Variants in RHBDL2 observed in about 807,000 individuals in gnomAD.
RHBDL2 encodes the protein rhomboid like 2, also known as rhomboid-related protein 2.
Under a neutral mutation model 31.7 loss-of-function variants are expected in RHBDL2, and 26 were observed. The ratio of observed to expected loss-of-function variants is 0.82; its 90% CI spans 0.60 to 1.14. The LOEUF (loss-of-function observed/expected upper bound fraction) is 1.14, where lower values mean the gene tolerates loss of function less well. RHBDL2 is among the 50% of genes most tolerant of loss of function. The pLI, the probability that RHBDL2 is intolerant of heterozygous loss-of-function variation, is 0.00. For synonymous variants in RHBDL2, 123 were observed against 127.2 expected, an observed-to-expected ratio of 0.97 and a Z score of 0.22; for missense variants, 336 against 364.4, an observed-to-expected ratio of 0.92 and a Z score of 0.63.
At chr1:38,902,229 A>G (rs1157379904) in intron 4 of RHBDL2, among the ~76,000 whole-genome samples, 4 of 86,302 alleles carry the variant, frequency 4.6e-5, no homozygotes, top group African/African-American at 1.5e-4. Flanking sequence ...TTTTTGAGAC[A>G]GAGTCTCACT....
At chr1:38,931,177 T>A (rs1643434960) in intron 1 of RHBDL2, among the ~76,000 whole-genome samples, 1 of 152,194 alleles carries the variant, frequency 6.6e-6, no homozygotes, top group Non-Finnish European at 1.5e-5. Context: ...GACTGAAAAC[T>A]TCTGCCCTAG....
intron 4 of RHBDL2, among the ~76,000 whole-genome samples, chr1:38,909,145 C>T (rs1643108513): frequency 6.6e-6 from 1 of 152,128 alleles, no homozygotes; most frequent in Non-Finnish European, 1.5e-5. Context: ...AGGCTAGGGT[C>T]TCGGGGTTTT....
intron 1 of RHBDL2, among the ~76,000 whole-genome samples, chr1:38,920,166 C>CTTTTTTTTTTTTTTTTTT: frequency 9.0e-6 from 1 of 111,402 alleles, no homozygotes; most frequent in Non-Finnish European, 1.7e-5. Flanking sequence ...CACATGTTTT[C>CTTTTTTTTTTTTTTTTTT]TTTTTTTTTT....
intron 1 of RHBDL2, among the ~76,000 whole-genome samples, chr1:38,936,166 G>A (rs762147533): frequency 1.4e-4 from 21 of 152,160 alleles, no homozygotes; most frequent in Non-Finnish European, 1.5e-4. Flanking sequence ...ACCTTCCTAA[G>A]TGCTGGGATT....
intron 4 of RHBDL2, among the ~76,000 whole-genome samples, chr1:38,906,447 G>T (rs1232060627): frequency 6.6e-6 from 1 of 152,048 alleles, no homozygotes; most frequent in African/African-American, 2.4e-5. Context: ...GGCCAAGGCG[G>T]GCAGATCATG....
chr1:38,892,937 G>C (rs1203195404), intron 6 of RHBDL2, among the ~76,000 whole-genome samples: 1 of 152,114 alleles, frequency 6.6e-6, no homozygotes, highest in Non-Finnish European at 1.5e-5. Context: ...AGCTCCCAAA[G>C]GCTGCTCTAG....
chr1:38,940,710 T>C (rs1643551788), intron 1 of RHBDL2, among the ~76,000 whole-genome samples: 1 of 152,194 alleles, frequency 6.6e-6, no homozygotes, highest in Non-Finnish European at 1.5e-5. Context: ...GGCACCCAGC[T>C]TGGTATTCAA....
chr1:38,904,276 C>T (rs995836464), intron 4 of RHBDL2, among the ~76,000 whole-genome samples: 5 of 151,956 alleles, frequency 3.3e-5, no homozygotes, highest in African/African-American at 1.2e-4. Context: ...TGAGACCAGT[C>T]TGGCCAACGT....
intron 3 of RHBDL2, 193 bp downstream of exon 3, chr1:38,915,369 C>T: frequency 1.9e-6 from 1 of 535,874 alleles, no homozygotes; most frequent in Non-Finnish European, 3.3e-6. Context: ...AAGTGATCTG[C>T]CCACCTCAGC....
chr1:38,924,600 AAAACAAGG>A (rs1643352824), intron 1 of RHBDL2, among the ~76,000 whole-genome samples: 1 of 151,958 alleles, frequency 6.6e-6, no homozygotes, highest in Non-Finnish European at 1.5e-5. Flanking sequence ...TCTCAAAAAA[AAAACAAGG>A]AAACACGGAA....
chr1:38,912,898 ATATATATATATATG>A (rs1207913064), intron 3 of RHBDL2, among the ~76,000 whole-genome samples: 906 of 84,162 alleles, frequency 0.011, 2 homozygotes, highest in Middle Eastern at 0.043. Flanking sequence ...ATATATATAT[ATATATATATATATG>A]TGTGTGTGTG....
chr1:38,927,816 A>C (rs1643394494), intron 1 of RHBDL2, among the ~76,000 whole-genome samples: 1 of 152,196 alleles, frequency 6.6e-6, no homozygotes, highest in South Asian at 2.1e-4. Flanking sequence ...GTCTTCATTA[A>C]TTTTTACCAC....
chr1:38,912,910 A>ATATATATGTGTGTGTGTG (rs1399583863), intron 3 of RHBDL2, among the ~76,000 whole-genome samples: 39 of 41,358 alleles, frequency 9.4e-4, no homozygotes, highest in African/African-American at 3.3e-3. Flanking sequence ...ATATATATAT[A>ATATATATGTGTGTGTGTG]TGTGTGTGTG....
intron 4 of RHBDL2, among the ~76,000 whole-genome samples, chr1:38,909,972 T>C (rs1026957732): frequency 1.1e-4 from 16 of 152,266 alleles, no homozygotes; most frequent in Middle Eastern, 3.4e-3. Context: ...AGTGAATGGT[T>C]AAACAAGCAG....
intron 1 of RHBDL2, among the ~76,000 whole-genome samples, chr1:38,923,702 A>C (rs766313569): frequency 3.9e-5 from 6 of 152,236 alleles, no homozygotes; most frequent in African/African-American, 7.2e-5. Flanking sequence ...TTCAAGCATC[A>C]ACATCTGTCC....
At chr1:38,914,465 C>G (rs1017951869) in intron 3 of RHBDL2, among the ~76,000 whole-genome samples, 3 of 151,792 alleles carry the variant, frequency 2.0e-5, no homozygotes, top group African/African-American at 7.3e-5. Flanking sequence ...TGGTCTTGAA[C>G]TCCTGACCTC....
chr1:38,934,447 G>C (rs1199568054), intron 1 of RHBDL2, among the ~76,000 whole-genome samples: 1 of 151,822 alleles, frequency 6.6e-6, no homozygotes, highest in Non-Finnish European at 1.5e-5. Context: ...GTGAGGTCAG[G>C]AGTTCGAGAC....
intron 4 of RHBDL2, among the ~76,000 whole-genome samples, chr1:38,907,549 T>C (rs922299804): frequency 2.6e-4 from 39 of 148,374 alleles, no homozygotes; most frequent in African/African-American, 9.5e-4. Context: ...TCAAAATAAA[T>C]AAATACATAA....
At chr1:38,905,919 T>C (rs960871866) in intron 4 of RHBDL2, among the ~76,000 whole-genome samples, 10 of 151,718 alleles carry the variant, frequency 6.6e-5, no homozygotes, top group African/African-American at 2.4e-4. Flanking sequence ...TACAAAAAAT[T>C]AGCTGGGCAT....
Sources: allele counts gnomAD v4.1 joint callset (sites outside exome capture counted in the v4.1 genomes callset), GRCh38; gene constraint gnomAD v4.1.1; transcripts MANE v1.5; gene names NCBI Gene and HGNC (gene_info 2026-07-23, HGNC 2026-07-21).